The following DNAAF8 variants were observed in gnomAD, a reference collection of about 807,000 sequenced individuals.
DNAAF8 encodes dynein axonemal-associated protein 1.
DNAAF8 carries 61 observed loss-of-function variants against 54.6 expected under a neutral mutation model. The ratio of observed to expected loss-of-function variants is 1.12; its 90% CI spans 0.91 to 1.38. DNAAF8 has a LOEUF of 1.38. DNAAF8 is among the 40% of genes most tolerant of loss of function. DNAAF8 has a pLI of 0.00. For synonymous variants in DNAAF8, 320 were observed against 270.1 expected (o/e 1.18, Z -1.81); for missense variants, 837 against 665.0 (o/e 1.26, Z -2.85).
intron 8 of DNAAF8, 21 bp downstream of exon 8, chr16:4,747,046 C>A (rs376834868): frequency 1.9e-5 from 29 of 1,509,058 alleles, no homozygotes; most frequent in Non-Finnish European, 2.5e-5. Context: ...AGGGGCCTCT[C>A]GCCACCTGCA....
intron 3 of DNAAF8, 125 bp downstream of exon 3, chr16:4,738,071 T>C (rs2081918346): frequency 8.1e-6 from 10 of 1,235,208 alleles, no homozygotes; most frequent in South Asian, 1.6e-5. Flanking sequence ...TTTTCCCCCA[T>C]GTACAACCCA....
intron 4 of DNAAF8, among the ~76,000 whole-genome samples, chr16:4,742,807 C>G (rs2081971863): frequency 6.6e-6 from 1 of 152,156 alleles, no homozygotes; most frequent in African/African-American, 2.4e-5. Context: ...AAGTACTGAT[C>G]CCCAAGAAAG....
intron 9 of DNAAF8, 26 bp downstream of exon 9, chr16:4,747,660 G>A (rs1258720793): frequency 6.4e-7 from 1 of 1,571,668 alleles, no homozygotes; most frequent in Admixed American, 1.8e-5. Flanking sequence ...GAGTGGGCAG[G>A]GGCGGGCTGA....
chr16:4,743,425 T>G, intron 5 of DNAAF8: 5 of 290,962 alleles, frequency 1.7e-5, no homozygotes, highest in South Asian at 7.1e-5. Context: ...CCATGACCCA[T>G]ACCTCCTCTT....
In DNAAF8 at chr16:4,739,552, T is replaced by TC. The variant is rs200414677; in HGVS notation, c.277-601_277-600insC. On this transcript the variant is annotated intron_variant, in intron 3 of 9. Transcript: ENST00000299320. The stretch of plus-strand genomic sequence containing the variant: ...TATTCAACAGTAGCTTTCCAACTTT[T>TC]TTTTTTTTTTTTTTGGGACAGGATC... Among the ~76,000 whole-genome samples the TC allele has an allele frequency of 1.9e-3, 291 of 150,486 alleles. 1 individual carries two copies. The highest frequency in any genetic ancestry group is 6.8e-3 in the African/African-American group (279 of 41,132).
chr16:4,744,655 C>T (rs1421552302), intron 5 of DNAAF8, among the ~76,000 whole-genome samples: 1 of 152,060 alleles, frequency 6.6e-6, no homozygotes, highest in African/African-American at 2.4e-5. Context: ...CCTTGTGCCA[C>T]AGGCCCTGCT....
intron 2 of DNAAF8, among the ~76,000 whole-genome samples, 160 bp from the exon 3 acceptor site, chr16:4,737,640 C>T (rs1024856690): frequency 3.3e-5 from 5 of 151,006 alleles, no homozygotes; most frequent in Admixed American, 1.3e-4. Context: ...GGGAGAGAAC[C>T]GGATCTCCCC....
rs756157506 is a variant in DNAAF8 at position 4,747,458 on chromosome 16, G to A, written c.1396G>A (p.Glu466Lys). The A allele has an allele frequency of 1.2e-5, 20 of 1,613,124 alleles. No homozygotes were observed. The highest frequency in any genetic ancestry group is 1.6e-5 in the Non-Finnish European group (19 of 1,180,002). ...GPAGGRAQAP[E>K]DTAGSRTGRK... ...CGCGGGTGGGAGGGCTCAGGCCCCT[G>A]AAGACACAGCTGGATCACGAACTGG... The change falls in exon 9 of 10, where the codon GAA becomes AAA. Residue 466 changes from glutamate to lysine, a missense_variant. Transcript: ENST00000299320.
intron 2 of DNAAF8, among the ~76,000 whole-genome samples, chr16:4,737,267 C>T (rs1362572291): frequency 6.6e-6 from 1 of 152,168 alleles, no homozygotes; most frequent in East Asian, 1.9e-4. Context: ...AACAGAGCTT[C>T]AGGGACCTCA....
At chr16:4,738,331 C>T (rs893739682) in intron 3 of DNAAF8, among the ~76,000 whole-genome samples, 2 of 152,186 alleles carry the variant, frequency 1.3e-5, no homozygotes, top group South Asian at 4.1e-4. Context: ...CAGCACCTGG[C>T]GAGTACACAG....
chr16:4,745,937 A>G (rs1376685763), intron 6 of DNAAF8, among the ~76,000 whole-genome samples: 1 of 143,820 alleles, frequency 7.0e-6, no homozygotes, highest in African/African-American at 2.5e-5. Context: ...TGGGCGACAG[A>G]GCAAGACTCT....
chr16:4,746,961 G>T lies in DNAAF8; in HGVS notation c.1216G>T (p.Glu406Ter), dbSNP rs2082024889. 1.9e-6 allele frequency: 3 copies of T among 1,554,326 alleles called. No individual in the cohort carries two copies. The highest frequency in any genetic ancestry group is 4.3e-5 in the Admixed American group (2 of 46,992). ...CAGCTCCTCTGACAGTGAGGAGGAG[G>T]AGGAGGAAGAGATGGCAGCTCTGGG... ...SHSSSDSEEE[E>*]EEEMAALGDA... Residue 406 changes from glutamate (E) to a stop codon, truncating the protein, a stop_gained, in exon 8 of 10, where the codon GAG becomes TAG. Coordinates refer to ENST00000299320, the MANE Select transcript of DNAAF8 (RefSeq NM_139170.3). LOFTEE classifies it high-confidence loss of function.
Position 4,743,094 on chromosome 16 carries a change from G to A in DNAAF8, c.835G>A (p.Glu279Lys), listed in dbSNP as rs757228702. 5.0e-6 allele frequency: 8 copies of A among 1,612,818 alleles called. No individual in the cohort carries two copies. The highest frequency in any genetic ancestry group is 6.8e-6 in the Non-Finnish European group (8 of 1,179,488). The change falls in exon 5 of 10, where the codon GAA (glutamate) becomes AAA (lysine). Residue 279 changes from glutamate to lysine, a missense_variant. By Grantham distance (56) the Glu-to-Lys change is moderately conservative. Coordinates refer to ENST00000299320, the MANE Select transcript of DNAAF8 (RefSeq NM_139170.3). ...DDILQSLAGQEDNQGNRAPGT... is the reference protein window; with the variant it reads ...DDILQSLAGQKDNQGNRAPGT... ...CATCCTTCAGAGTCTGGCGGGACAAGAAGACAACCAGGGAAATCGTGCACC... is the reference window on the plus strand; with the variant it reads ...CATCCTTCAGAGTCTGGCGGGACAAAAAGACAACCAGGGAAATCGTGCACC...
chr16:4,739,838 G>C (rs902408860), intron 3 of DNAAF8, among the ~76,000 whole-genome samples: 3 of 151,876 alleles, frequency 2.0e-5, no homozygotes, highest in Admixed American at 6.6e-5. Context: ...TTGAGGCCAG[G>C]AACTTGAGAC....
At chr16:4,742,528 G>A (rs1313413936) in intron 4 of DNAAF8, among the ~76,000 whole-genome samples, 1 of 132,038 alleles carries the variant, frequency 7.6e-6, no homozygotes, top group East Asian at 2.2e-4. Context: ...CCAACATGGT[G>A]AAACCCCATC....
chr16:4,739,855 G>A (rs1164844354), intron 3 of DNAAF8, among the ~76,000 whole-genome samples: 1 of 151,782 alleles, frequency 6.6e-6, no homozygotes, highest in African/African-American at 2.4e-5. Flanking sequence ...AGACAAGCCT[G>A]GAAGACCAAC....
intron 8 of DNAAF8, 147 bp from the exon 9 acceptor site, chr16:4,747,196 G>A: frequency 8.2e-7 from 1 of 1,212,506 alleles, no homozygotes; most frequent in South Asian, 1.5e-5. Flanking sequence ...CTGGGTCCCA[G>A]CAGTGGCAGC....
chr16:4,743,290 C>T lies in DNAAF8; in HGVS notation c.901+130C>T, dbSNP rs530013887. The T allele has an allele frequency of 3.8e-4, 236 of 625,918 alleles. 1 individual carries two copies. Among genetic ancestry groups the T allele is most frequent in the Middle Eastern group, 2.2e-3 (5 of 2,316 alleles). 38.8% of individuals were successfully genotyped at this position (625,918 alleles called of 1,614,324 possible). ...CCACACAAGTCTTCCCTGCTGGCCC[C>T]GCCCTAAACACTCATGCTGCCAGTC... is the stretch of plus-strand genomic sequence containing the variant. On this transcript the variant is annotated intron_variant, in intron 5 of 9. Coordinates refer to ENST00000299320, the MANE Select transcript of DNAAF8 (RefSeq NM_139170.3).
At position 4,737,812 on chromosome 16, in the gene DNAAF8, G is replaced by A. The variant is rs746176285; in HGVS notation, c.142G>A (p.Glu48Lys). ...DSDSPLSDYGEEELFIFQRNQ... is the reference protein window; with the variant it reads ...DSDSPLSDYGKEELFIFQRNQ... ...CATTTGTCCACAGTCGGACTATGGG[G>A]AAGAGGAGCTGTTCATCTTCCAGCG... The change falls in exon 3 of 10, where the codon GAA (glutamate) becomes AAA (lysine). Residue 48 changes from glutamate (E) to lysine (K), a missense_variant. Physicochemically the swap from Glu to Lys is moderately conservative, Grantham distance 56. Coordinates refer to ENST00000299320, the MANE Select transcript of DNAAF8 (RefSeq NM_139170.3). The A allele has an allele frequency of 6.2e-6, 10 of 1,614,036 alleles. No individual in the cohort carries two copies. In the Admixed American group the frequency reaches 1.3e-4, roughly 22 times the overall value.
Sources: gnomAD v4.1 joint callset for allele counts (sites outside exome capture counted in the v4.1 genomes callset) on GRCh38, gnomAD v4.1.1 for gene constraint, MANE v1.5 for transcripts, NCBI Gene and HGNC (gene_info 2026-07-23, HGNC 2026-07-21) for gene names.